PLEKHA8: variants seen among roughly 807,000 people sequenced by gnomAD.
The protein encoded by PLEKHA8 is pleckstrin homology domain containing A8, also known as pleckstrin homology domain-containing family A member 8.
A neutral mutation model predicts 68.2 loss-of-function variants in PLEKHA8; 36 were observed. The ratio of observed to expected loss-of-function variants is 0.53; its 90% confidence interval spans 0.40 to 0.70. The LOEUF (loss-of-function observed/expected upper bound fraction) is 0.70, where lower values mean the gene tolerates loss of function less well. PLEKHA8 is among the 30% of genes least tolerant of loss of function. The pLI, the probability that PLEKHA8 is intolerant of heterozygous loss-of-function variation, is 0.00. For synonymous variants in PLEKHA8, 211 were observed against 216.1 expected, an observed-to-expected ratio of 0.98 and a Z score of 0.20; for missense variants, 505 against 615.4, an observed-to-expected ratio of 0.82 and a Z score of 1.90.
intron 6 of PLEKHA8, among the ~76,000 whole-genome samples, chr7:30,051,730 T>C (rs111846424): frequency 0.05 from 7,616 of 152,234 alleles, 275 homozygotes; most frequent in Non-Finnish European, 0.074. Context: ...TCCCAGCACT[T>C]TGGGAGGCCG....
In PLEKHA8 at chr7:30,034,365, G is replaced by A. The variant is rs544267162; in HGVS notation, c.40+5563G>A. Among the ~76,000 whole-genome samples, 165 of 152,178 alleles carry A rather than the reference G, an allele frequency of 1.1e-3. 2 individuals carry two copies. The highest frequency in any genetic ancestry group is 4.6e-4 in the Admixed American group (7 of 15,278). On this transcript the variant is annotated intron_variant, in intron 1 of 13. Transcript: ENST00000449726. ...GTTAGATAGATGATTTGCAAATACA[G>A]TTGACCCATGAATAATGCAGGAGTT...
At position 30,097,877 on chromosome 7, in the gene PLEKHA8, G is replaced by A. The variant is rs148502693; in HGVS notation, c.1362+23745G>A. ...TGTTCCGTTGCTGGTGAGGAGCTGC[G>A]TTCCTTTGGAGGAGGAGAGGCGCTC... On this transcript the variant is annotated intron_variant, in intron 13 of 13. Coordinates refer to the PLEKHA8 transcript ENST00000396257. 9.1e-4 allele frequency among the ~76,000 whole-genome samples: 139 copies of A among 152,316 alleles called. No individual in the cohort carries two copies. In the East Asian group the frequency reaches 0.012, roughly 13 times the overall value.
downstream of PLEKHA8, among the ~76,000 whole-genome samples, chr7:30,092,440 C>T (rs1431546244): frequency 6.6e-6 from 1 of 151,984 alleles, no homozygotes; most frequent in African/African-American, 2.4e-5. Flanking sequence ...AGAAGACCCT[C>T]ATCTAGTCAT....
intron 7 of PLEKHA8, among the ~76,000 whole-genome samples, chr7:30,053,592 C>A (rs1792592504): frequency 6.6e-6 from 1 of 152,150 alleles, no homozygotes; most frequent in South Asian, 2.1e-4. Context: ...GGAGCCTTAT[C>A]TCTTGGGTAA....
intron 13 of PLEKHA8, among the ~76,000 whole-genome samples, chr7:30,128,475 T>C (rs1796819449): frequency 6.6e-6 from 1 of 152,254 alleles, no homozygotes. Context: ...GATTCCTATA[T>C]TCACATTGAT....
At chr7:30,091,736 A>G (rs1795423287), downstream of PLEKHA8, among the ~76,000 whole-genome samples, 1 of 152,208 alleles carries the variant, frequency 6.6e-6, no homozygotes, top group Non-Finnish European at 1.5e-5. Flanking sequence ...TCTTAGCAAC[A>G]TGGGGATTTT....
At chr7:30,101,638 T>C (rs561836250) in intron 13 of PLEKHA8, among the ~76,000 whole-genome samples, 1 of 152,196 alleles carries the variant, frequency 6.6e-6, no homozygotes, top group Non-Finnish European at 1.5e-5. Flanking sequence ...GATTTCAACA[T>C]ATGAATTTGG....
Position 30,080,471 on chromosome 7 carries a change from T to A in PLEKHA8, c.*1684T>A. On this transcript the variant is annotated 3_prime_UTR_variant, in exon 14 of 14. Coordinates refer to ENST00000449726, the MANE Select transcript of PLEKHA8 (RefSeq NM_001197026.2). The stretch of plus-strand genomic sequence containing the variant: ...TAGATGATGCTGTTCCTGCTGCAGA[T>A]CTCTAGGATGGAGAGAATTCTCTCT... 1 of 985,282 alleles carries A rather than the reference T, an allele frequency of 1.0e-6. No homozygotes were observed. The highest frequency in any genetic ancestry group is 6.2e-5 in the Admixed American group (1 of 16,244). 61.0% of individuals were successfully genotyped at this position (985,282 alleles called of 1,614,324 possible).
chr7:30,113,343 T>A (rs1357122348), intron 13 of PLEKHA8, among the ~76,000 whole-genome samples: 1 of 152,244 alleles, frequency 6.6e-6, no homozygotes, highest in Non-Finnish European at 1.5e-5. Flanking sequence ...TAGCTAGTTA[T>A]AAAATTCTAG....
chr7:30,051,037 C>CTA (rs1224089342), intron 6 of PLEKHA8, among the ~76,000 whole-genome samples: 1 of 152,076 alleles, frequency 6.6e-6, no homozygotes, highest in Admixed American at 6.5e-5. Flanking sequence ...GTAGCTGGGA[C>CTA]TATAGGTGCA....
rs751744700 is a variant in PLEKHA8 at position 30,050,446 on chromosome 7, A to G, written c.610A>G (p.Ile204Val). The change falls in exon 6 of 14, where the codon ATT (isoleucine) becomes GTT (valine). Residue 204 changes from isoleucine to valine, a missense_variant. Coordinates refer to ENST00000449726, the MANE Select transcript of PLEKHA8 (RefSeq NM_001197026.2). The part of the protein sequence containing the change: ...MLKSSKMKHP[I>V]IPIHNSLERQ... Reference sequence around the variant, plus strand: ...GCTTCTTTTAAAGATGAAACATCCTATTATACCAATTCATAATTCATTGGA... The same window carrying G: ...GCTTCTTTTAAAGATGAAACATCCTGTTATACCAATTCATAATTCATTGGA... 4 of 1,578,862 alleles carry G rather than the reference A, an allele frequency of 2.5e-6. No individual in the cohort carries two copies. Among genetic ancestry groups the G allele is most frequent in the East Asian group, 4.5e-5 (2 of 44,466 alleles).
At position 30,078,975 on chromosome 7, in the gene PLEKHA8, G is replaced by T; in HGVS notation, c.*188G>T. On this transcript the variant is annotated 3_prime_UTR_variant, in exon 14 of 14. Coordinates refer to ENST00000449726, the MANE Select transcript of PLEKHA8 (RefSeq NM_001197026.2). ...ATGTGTTTTGTTTAAAGATCAAGGTGCTATATATTTCAGTTCAGCAGGCCT... is the reference window on the plus strand; with the variant it reads ...ATGTGTTTTGTTTAAAGATCAAGGTTCTATATATTTCAGTTCAGCAGGCCT... 7.2e-7 allele frequency: 1 copy of T among 1,391,544 alleles called. No homozygotes were observed. The highest frequency in any genetic ancestry group is 2.6e-5 in the East Asian group (1 of 38,088). 86.2% of individuals were successfully genotyped at this position (1,391,544 alleles called of 1,614,324 possible).
At chr7:30,061,771 G>T in intron 10 of PLEKHA8, 126 bp from the exon 11 acceptor site, 1 of 957,984 alleles carries the variant, frequency 1.0e-6, no homozygotes. Context: ...TAAGGAAGAA[G>T]GTAATAGGAG....
chr7:30,068,701 A>C lies in PLEKHA8; in HGVS notation c.1301-5370A>C, dbSNP rs536693696. Among the ~76,000 whole-genome samples, 4 of 152,180 alleles carry C rather than the reference A, an allele frequency of 2.6e-5. No homozygotes were observed. In the East Asian group the frequency reaches 7.7e-4, roughly 29 times the overall value. On this transcript the variant is annotated intron_variant, in intron 12 of 13. Coordinates refer to ENST00000449726, the MANE Select transcript of PLEKHA8 (RefSeq NM_001197026.2). ...TGTGGCTTGCGTTTGCTCTTTATCT[A>C]TGGTGTCTTTTGGTATACAGAAGTT...
intron 9 of PLEKHA8, among the ~76,000 whole-genome samples, chr7:30,057,758 G>T (rs1793111998): frequency 6.6e-6 from 1 of 152,176 alleles, no homozygotes; most frequent in African/African-American, 2.4e-5. Context: ...ACTGCTCTTG[G>T]CCAATTTGGG....
intron 2 of PLEKHA8, among the ~76,000 whole-genome samples, 180 bp from the exon 3 acceptor site, chr7:30,046,030 C>A (rs539684967): frequency 1.3e-5 from 2 of 152,184 alleles, no homozygotes; most frequent in African/African-American, 2.4e-5. Context: ...TTAACAGAGA[C>A]ATCTAAGATG....
intron 10 of PLEKHA8, 64 bp downstream of exon 10, chr7:30,061,006 G>GTGCT: frequency 6.7e-7 from 1 of 1,482,796 alleles, no homozygotes; most frequent in Non-Finnish European, 9.3e-7. Context: ...CAACATTTTT[G>GTGCT]TGCTTGGCCA....
chr7:30,116,096 A>G lies in PLEKHA8; in HGVS notation c.1363-13170A>G, dbSNP rs528862008. 3 of 151,002 alleles carry G rather than the reference A, an allele frequency of 2.0e-5. No individual in the cohort carries two copies. The East Asian group carries it at 5.8e-4, about 29-fold the overall frequency. 9.4% of individuals were successfully genotyped at this position (151,002 alleles called of 1,614,324 possible). ...CATGTATACATACGCATACATACGTATACATACGCATACATACACGTATAC... is the reference window on the plus strand; with the variant it reads ...CATGTATACATACGCATACATACGTGTACATACGCATACATACACGTATAC... On this transcript the variant is annotated intron_variant, in intron 13 of 13. Coordinates refer to the PLEKHA8 transcript ENST00000396257.
intron 13 of PLEKHA8, among the ~76,000 whole-genome samples, chr7:30,116,464 T>G (rs1796568236): frequency 6.6e-6 from 1 of 152,138 alleles, no homozygotes; most frequent in Admixed American, 6.5e-5. Context: ...GAAGAAAAAC[T>G]TCTGCCTTAG....
Sources: allele counts gnomAD v4.1 joint callset (sites outside exome capture counted in the v4.1 genomes callset), GRCh38; gene constraint gnomAD v4.1.1; transcripts MANE v1.5; gene names NCBI Gene and HGNC (gene_info 2026-07-23, HGNC 2026-07-21).